Variants in MGAM observed in about 807,000 individuals in gnomAD.
MGAM encodes maltase-glucoamylase, also known as alpha-1,4-glucosidase.
Under a neutral mutation model 358.8 loss-of-function variants are expected in MGAM, and 253 were observed. The observed-to-expected ratio is 0.71, with a 90% CI of 0.64 to 0.78. MGAM has a LOEUF of 0.78. Among genes scored for constraint, MGAM ranks in the 30% least tolerant of loss-of-function variants. The pLI is 0.00. For missense variants in MGAM, 3,080 were observed against 3,432.6 expected (o/e 0.90, Z 2.57); for synonymous variants, 1,105 against 1,227.1 (o/e 0.90, Z 2.08).
rs769258304 is a variant in MGAM, at chr7:142,064,367, C to T, written c.4346-17C>T. On this transcript the variant is annotated splice_polypyrimidine_tract_variant and intron_variant, in intron 36 of 70. Coordinates refer to ENST00000475668, the MANE Select transcript of MGAM (RefSeq NM_001365693.1). Reference sequence around the variant, plus strand: ...GAATCAGGGCTGGGTTTCACCTCGCCAGTTCTTCCTCCTCAGATTTGGAGT... The same window carrying T: ...GAATCAGGGCTGGGTTTCACCTCGCTAGTTCTTCCTCCTCAGATTTGGAGT... 2 of 1,601,894 alleles carry T rather than the reference C, an allele frequency of 1.2e-6. No individual in the cohort carries two copies. The highest frequency in any genetic ancestry group is 1.1e-5 in the South Asian group (1 of 88,388).
At chr7:142,029,867 G>T (rs1554462700) in intron 10 of MGAM, among the ~76,000 whole-genome samples, 2 of 152,048 alleles carry the variant, frequency 1.3e-5, no homozygotes, top group Non-Finnish European at 2.9e-5. Flanking sequence ...TTTTATTCTG[G>T]GCTTCACTGT....
rs1447219139 is a variant in MGAM at position 142,038,588 on chromosome 7, C to T, written c.2289C>T (p.Gly763=). 2 of 1,611,156 alleles carry T rather than the reference C, an allele frequency of 1.2e-6. No individual in the cohort carries two copies. The highest frequency in any genetic ancestry group is 4.5e-5 in the East Asian group (2 of 44,672). The change falls in exon 19 of 71, where the codon GGC becomes GGT. Residue 763 remains glycine, a synonymous_variant. Coordinates refer to ENST00000475668, the MANE Select transcript of MGAM (RefSeq NM_001365693.1). ...ACCAACAGTTCTTATGGGGGCCCGGCCTCCTCATCACTCCAGTTCTGGATG... is the reference window on the plus strand; with the variant it reads ...ACCAACAGTTCTTATGGGGGCCCGGTCTCCTCATCACTCCAGTTCTGGATG... ...DVHQQFLWGP[G]LLITPVLDEG... is the part of the protein sequence containing the mutation.
At chr7:142,011,843 C>T (rs1554454435) in intron 3 of MGAM, among the ~76,000 whole-genome samples, 1 of 152,108 alleles carries the variant, frequency 6.6e-6, no homozygotes, top group Non-Finnish European at 1.5e-5. Flanking sequence ...GAGGTGGCAA[C>T]TTTGTTTTAA....
Position 142,059,910 on chromosome 7 carries a change from G to C in MGAM, c.4003G>C (p.Val1335Leu). The C allele has an allele frequency of 6.2e-7, 1 of 1,611,308 alleles. No individual in the cohort carries two copies. Among genetic ancestry groups the C allele is most frequent in the Non-Finnish European group, 8.5e-7 (1 of 1,178,804 alleles). ...TQPYPAFTRG[V>L]EDDVFIKYPN... ...GCCTTATCCTGCCTTCACTCGGGGC[G>C]TGGAGGATGACGTCTTCATCAAATA... Residue 1335 changes from valine to leucine, a missense_variant, in exon 33 of 71, where the codon GTG (valine) becomes CTG (leucine). Physicochemically the swap from Val to Leu is conservative, Grantham distance 32. Transcript: ENST00000475668.
rs1171248919 is a variant in MGAM at position 142,092,368 on chromosome 7, G to A, written c.6946-153G>A. On this transcript the variant is annotated intron_variant, in intron 58 of 70. Coordinates refer to ENST00000475668, the MANE Select transcript of MGAM (RefSeq NM_001365693.1). ...CTGTAGGGGTGAATTCATCTTTCTA[G>A]CCAGTTCTCACCAGGATTTGATGAA... is the stretch of plus-strand genomic sequence containing the variant. Among the ~76,000 whole-genome samples, 4 of 145,626 alleles carry A rather than the reference G, an allele frequency of 2.7e-5. 1 individual carries two copies. Among genetic ancestry groups the A allele is most frequent in the Non-Finnish European group, 4.7e-5 (3 of 64,356 alleles).
At chr7:142,018,776 AAAC>A (rs1316620861) in intron 3 of MGAM, among the ~76,000 whole-genome samples, 1 of 152,228 alleles carries the variant, frequency 6.6e-6, no homozygotes, top group African/African-American at 2.4e-5. Flanking sequence ...TTAAAAGTCA[AAAC>A]AACATTAGTT....
intron 41 of MGAM, 85 bp downstream of exon 41, chr7:142,066,806 A>G (rs1812804654): frequency 2.1e-6 from 3 of 1,410,062 alleles, no homozygotes; most frequent in Admixed American, 4.1e-5. Flanking sequence ...AACGCTTCCA[A>G]ATTAAAGACA....
rs781990000 is a variant in MGAM at position 142,027,161 on chromosome 7, G to A, written c.1029G>A (p.Gly343=). 4 of 1,613,546 alleles carry A rather than the reference G, an allele frequency of 2.5e-6. No homozygotes were observed. Among genetic ancestry groups the A allele is most frequent in the African/African-American group, 2.7e-5 (2 of 74,904 alleles). ...CAGCCATCACTTACCGCACCATTGG[G>A]GGCATTCTCGACTTCTATGTGTTCT... The part of the protein sequence containing the change: ...PAPAITYRTI[G]GILDFYVFLG... The change falls in exon 9 of 71, where the codon GGG becomes GGA. Residue 343 remains glycine (G), a synonymous_variant. Transcript: ENST00000475668.
chr7:142,013,610 G>T (rs782404772), intron 3 of MGAM, among the ~76,000 whole-genome samples: 3 of 152,118 alleles, frequency 2.0e-5, no homozygotes, highest in African/African-American at 7.2e-5. Context: ...GTTGATAATT[G>T]ATTTCACCTT....
chr7:142,082,698 T>G, intron 52 of MGAM, 127 bp downstream of exon 52: 1 of 786,642 alleles, frequency 1.3e-6, no homozygotes, highest in Non-Finnish European at 2.0e-6. Flanking sequence ...GCTGTTTATT[T>G]TTTCTTTGTG....
chr7:142,099,551 T>A, intron 66 of MGAM, 62 bp from the exon 67 acceptor site: 2 of 1,611,376 alleles, frequency 1.2e-6, no homozygotes, highest in Non-Finnish European at 1.7e-6. Context: ...TCTGGCAGGA[T>A]GCATTGTTCA....
intron 10 of MGAM, among the ~76,000 whole-genome samples, chr7:142,029,456 G>A (rs1807267005): frequency 6.6e-6 from 1 of 152,106 alleles, no homozygotes; most frequent in Non-Finnish European, 1.5e-5. Context: ...TAACATCATA[G>A]AGGTCATCTC....
At chr7:142,084,788 A>G in intron 54 of MGAM, 144 bp downstream of exon 54, 1 of 1,160,274 alleles carries the variant, frequency 8.6e-7, no homozygotes, top group Non-Finnish European at 1.2e-6. Context: ...ACCCCAGCAC[A>G]GTAATAGAGG....
At chr7:141,997,732 G>C (rs1554449206) in intron 1 of MGAM, among the ~76,000 whole-genome samples, 1 of 152,140 alleles carries the variant, frequency 6.6e-6, no homozygotes, top group Non-Finnish European at 1.5e-5. Flanking sequence ...CAGCTGGCTA[G>C]GGTCAGAGCT....
rs1239413658 is a variant in MGAM at position 142,067,982 on chromosome 7, A to T, written c.5004+557A>T. 2.3e-3 allele frequency among the ~76,000 whole-genome samples: 12 copies of T among 5,108 alleles called. 2 individuals are homozygous for T. Among genetic ancestry groups the T allele is most frequent in the Non-Finnish European group, 4.6e-3 (6 of 1,300 alleles). 3.4% of individuals were successfully genotyped at this position (5,108 alleles called of 152,430 possible). On this transcript the variant is annotated intron_variant, in intron 42 of 70. Coordinates refer to ENST00000475668, the MANE Select transcript of MGAM (RefSeq NM_001365693.1). ...TATATATAAATATATATATATATAT[A>T]TATATTTTTTTTTTTTTTTTTTTGA...
At chr7:142,099,377 G>A (rs142599118) in intron 66 of MGAM, among the ~76,000 whole-genome samples, 28 of 152,280 alleles carry the variant, frequency 1.8e-4, no homozygotes, top group African/African-American at 6.3e-4. Flanking sequence ...CACACATCAG[G>A]CAAATGTAGT....
chr7:142,056,152 A>G (rs768181011), intron 29 of MGAM, 56 bp downstream of exon 29: 96 of 1,501,012 alleles, frequency 6.4e-5, no homozygotes, highest in Non-Finnish European at 8.3e-5. Context: ...GCCTGAGTCA[A>G]TTTACAATGT....
intron 1 of MGAM, among the ~76,000 whole-genome samples, chr7:141,998,117 G>A (rs1420619022): frequency 6.6e-6 from 1 of 152,144 alleles, no homozygotes; most frequent in Non-Finnish European, 1.5e-5. Context: ...CATGTGGTTT[G>A]TCTACTTTGC....
In MGAM at chr7:142,050,832, TCTC is replaced by T. The variant is rs1293113133; in HGVS notation, c.2776_2778del (p.Pro926del). On this transcript the variant is annotated inframe_deletion, in exon 24 of 71. Coordinates refer to ENST00000475668, the MANE Select transcript of MGAM (RefSeq NM_001365693.1). ...ACACAATGGTGTCCCAAGTCAGACT[TCTC>T]CTACAGTCACTTATGATTCTAACCT... 3.1e-6 allele frequency: 5 copies of T among 1,613,546 alleles called. No homozygotes were observed. In the Admixed American group the frequency reaches 5.0e-5, roughly 16 times the overall value.
Sources: allele counts gnomAD v4.1 joint callset (sites outside exome capture counted in the v4.1 genomes callset), GRCh38; gene constraint gnomAD v4.1.1; transcripts MANE v1.5; gene names NCBI Gene and HGNC (gene_info 2026-07-23, HGNC 2026-07-21).